SOX5: variants seen among roughly 807,000 people sequenced by gnomAD.
SOX5 encodes transcription factor SOX-5.
In SOX5, 9 loss-of-function variants were observed where a neutral mutation model predicts 92.0. That is an observed-to-expected ratio of 0.10 (90% CI 0.06 to 0.17). The LOEUF (loss-of-function observed/expected upper bound fraction) is 0.17. Ranked by LOEUF, SOX5 falls within the 10% of genes least tolerant of loss-of-function variation. The pLI is 1.00. For synonymous variants in SOX5, 344 were observed against 336.3 expected (o/e 1.02, Z -0.25); for missense variants, 642 against 944.5 (o/e 0.68, Z 4.20).
chr12:23,990,515 A>G (rs1383614164), intron 4 of SOX5, among the ~76,000 whole-genome samples: 1 of 152,078 alleles, frequency 6.6e-6, no homozygotes, highest in Non-Finnish European at 1.5e-5. Flanking sequence ...TTTAACTACG[A>G]TGTATTTTGA....
intron 6 of SOX5, among the ~76,000 whole-genome samples, chr12:23,684,001 T>C (rs904551120): frequency 2.6e-5 from 4 of 151,936 alleles, no homozygotes; most frequent in African/African-American, 9.7e-5. Context: ...ACATACATGA[T>C]TGAGACTATG....
At chr12:23,894,398 T>C (rs186666466) in intron 2 of SOX5, among the ~76,000 whole-genome samples, 15 of 152,204 alleles carry the variant, frequency 9.9e-5, no homozygotes, top group Non-Finnish European at 1.6e-4. Context: ...CAGCTAATCT[T>C]TGTATTTTCA....
At chr12:23,804,364 T>C (rs910952683) in intron 3 of SOX5, among the ~76,000 whole-genome samples, 1 of 152,136 alleles carries the variant, frequency 6.6e-6, no homozygotes, top group African/African-American at 2.4e-5. Flanking sequence ...TGCTACTGTT[T>C]GTTTGGTTAT....
At chr12:23,552,453 T>C (rs541637013) in intron 11 of SOX5, among the ~76,000 whole-genome samples, 1 of 152,010 alleles carries the variant, frequency 6.6e-6, no homozygotes, top group South Asian at 2.1e-4. Flanking sequence ...TTAAACCTTG[T>C]TGTCATAATG....
chr12:24,119,023 A>G lies in SOX5; in HGVS notation c.-2+94320T>C, dbSNP rs372512649. Among the ~76,000 whole-genome samples the G allele has an allele frequency of 1.3e-3, 193 of 151,350 alleles. 7 individuals are homozygous for G. The South Asian group carries it at 0.038, about 30-fold the overall frequency. On this transcript the variant is annotated intron_variant, in intron 4 of 4. Coordinates refer to the SOX5 transcript ENST00000446891. ...TTAACTATTTTGGGTCTGTTTCCTC[A>G]TGTAAAAAATGAGGAATATTTTTTT...
chr12:23,578,146 A>AAAAAAAC (rs1565984217), intron 9 of SOX5, among the ~76,000 whole-genome samples: 1 of 137,320 alleles, frequency 7.3e-6, no homozygotes, highest in African/African-American at 2.6e-5. Flanking sequence ...AAAAAAAAAA[A>AAAAAAAC]AAAACTATAG....
upstream of SOX5, chr12:23,950,871 A>G: frequency 6.5e-7 from 1 of 1,535,320 alleles, no homozygotes; most frequent in Non-Finnish European, 8.7e-7. Flanking sequence ...ACACTTACAC[A>G]GACATGCATG....
Position 24,159,929 on chromosome 12 carries a change from C to T in SOX5, c.-2+53414G>A, listed in dbSNP as rs16927269. 8.4e-3 allele frequency among the ~76,000 whole-genome samples: 1,272 copies of T among 152,042 alleles called. 9 individuals carry two copies. Among genetic ancestry groups the T allele is most frequent in the South Asian group, 0.049 (234 of 4,824 alleles). Reference sequence around the variant, plus strand: ...CAGATAACGGGAAAAATATTTTTAACCAGGATGTGCCTTTAGGCAAAGCTT... The same window carrying T: ...CAGATAACGGGAAAAATATTTTTAATCAGGATGTGCCTTTAGGCAAAGCTT... On this transcript the variant is annotated intron_variant, in intron 4 of 4. Transcript: ENST00000446891.
chr12:24,444,293 TGTG>T (rs1941124563), intron 1 of SOX5, among the ~76,000 whole-genome samples: 1 of 151,954 alleles, frequency 6.6e-6, no homozygotes, highest in Non-Finnish European at 1.5e-5. Flanking sequence ...TGTGTGTGTG[TGTG>T]TGTGTGTGCA....
chr12:24,125,204 A>G (rs1216455345), intron 4 of SOX5, among the ~76,000 whole-genome samples: 6 of 152,176 alleles, frequency 3.9e-5, no homozygotes, highest in African/African-American at 7.2e-5. Context: ...TCTCAGAGCA[A>G]TTTCATGAAG....
intron 2 of SOX5, among the ~76,000 whole-genome samples, chr12:24,314,529 A>T (rs1949520418): frequency 1.3e-5 from 2 of 149,694 alleles, no homozygotes; most frequent in South Asian, 2.1e-4. Context: ...AATAAAAATT[A>T]AAAAATAAAA....
intron 8 of SOX5, among the ~76,000 whole-genome samples, chr12:23,609,072 A>G (rs948371767): frequency 6.6e-6 from 1 of 152,212 alleles, no homozygotes; most frequent in Non-Finnish European, 1.5e-5. Flanking sequence ...TAAGGTGGAC[A>G]TAGAAAAAGG....
intron 1 of SOX5, among the ~76,000 whole-genome samples, chr12:23,904,693 C>A (rs1413572286): frequency 1.3e-5 from 2 of 152,184 alleles, no homozygotes; most frequent in East Asian, 1.9e-4. Context: ...TGGTCACCAA[C>A]AACTTTTGAA....
At chr12:23,684,396 C>T (rs1423969037) in intron 6 of SOX5, among the ~76,000 whole-genome samples, 1 of 151,958 alleles carries the variant, frequency 6.6e-6, no homozygotes, top group African/African-American at 2.4e-5. Flanking sequence ...GAAATATTCA[C>T]AAGATCTATT....
chr12:24,065,607 A>G (rs1940551481), intron 4 of SOX5, among the ~76,000 whole-genome samples: 1 of 146,864 alleles, frequency 6.8e-6, no homozygotes, highest in Admixed American at 7.0e-5. Context: ...AGATCACATC[A>G]CTACACTCCA....
intron 6 of SOX5, among the ~76,000 whole-genome samples, chr12:23,670,637 T>C (rs559491636): frequency 1.3e-5 from 2 of 152,082 alleles, no homozygotes; most frequent in South Asian, 2.1e-4. Flanking sequence ...ATGTGCTTTA[T>C]GGGTAGGGAA....
At chr12:24,427,274 C>T (rs557429634) in intron 1 of SOX5, among the ~76,000 whole-genome samples, 1 of 152,188 alleles carries the variant, frequency 6.6e-6, no homozygotes, top group South Asian at 2.1e-4. Flanking sequence ...TGTCTTATTC[C>T]CCCTACAGCA....
Position 23,840,879 on chromosome 12 carries a change from C to A in SOX5, c.481+5104G>T, listed in dbSNP as rs557790857. ...ACCTAAATTGCAAAATGAAAAACTA[C>A]ACTAACTTCAAGAAGACAAGATAGG... On this transcript the variant is annotated intron_variant, in intron 3 of 14. Coordinates refer to ENST00000451604, the MANE Select transcript of SOX5 (RefSeq NM_006940.6). Among the ~76,000 whole-genome samples the A allele has an allele frequency of 4.6e-5, 7 of 152,034 alleles. No homozygotes were observed. The East Asian group carries it at 1.2e-3, about 25-fold the overall frequency.
intron 1 of SOX5, among the ~76,000 whole-genome samples, chr12:23,898,829 G>C (rs374956544): frequency 1.3e-4 from 20 of 152,140 alleles, no homozygotes; most frequent in African/African-American, 4.8e-4. Flanking sequence ...CATTGGCCTT[G>C]AAAGTATTTA....
Sources: allele counts gnomAD v4.1 joint callset (sites outside exome capture counted in the v4.1 genomes callset), GRCh38; gene constraint gnomAD v4.1.1; transcripts MANE v1.5; gene names NCBI Gene and HGNC (gene_info 2026-07-23, HGNC 2026-07-21).